Variants in NKAIN3 observed in about 807,000 individuals in gnomAD.
The protein encoded by NKAIN3 is sodium/potassium-transporting ATPase subunit beta-1-interacting protein 3.
Under a neutral mutation model 30.2 loss-of-function variants are expected in NKAIN3, and 25 were observed. The observed-to-expected ratio is 0.83, with a 90% confidence interval of 0.60 to 1.16. The LOEUF (loss-of-function observed/expected upper bound fraction) is 1.16. Among genes scored for constraint, NKAIN3 ranks in the 50% most tolerant of loss-of-function variants. The pLI, the probability that NKAIN3 is intolerant of heterozygous loss-of-function variation, is 0.00. For missense variants in NKAIN3, 225 were observed against 254.1 expected (o/e 0.89, Z 0.78); for synonymous variants, 91 against 89.6 (o/e 1.02, Z -0.09).
chr8:62,310,516 G>A (rs182981548), intron 1 of NKAIN3, among the ~76,000 whole-genome samples: 2 of 150,636 alleles, frequency 1.3e-5, no homozygotes, highest in Admixed American at 1.3e-4. Flanking sequence ...TAACGTAAAT[G>A]TTCCTACCCT....
At chr8:62,717,952 A>C (rs1731403711) in intron 3 of NKAIN3, among the ~76,000 whole-genome samples, 1 of 152,220 alleles carries the variant, frequency 6.6e-6, no homozygotes. Context: ...CAATTCACAA[A>C]AGAAAGAGGT....
intron 5 of NKAIN3, among the ~76,000 whole-genome samples, chr8:62,996,329 G>A (rs1318708215): frequency 1.3e-5 from 2 of 150,472 alleles, no homozygotes; most frequent in African/African-American, 4.8e-5. Flanking sequence ...CAGATCACAT[G>A]AGAGCTCCCT....
chr8:62,261,378 T>A (rs902988842), intron 1 of NKAIN3, among the ~76,000 whole-genome samples: 7 of 152,200 alleles, frequency 4.6e-5, no homozygotes, highest in African/African-American at 1.7e-4. Context: ...TGTGGCTAAA[T>A]GATTCAGAAC....
intron 1 of NKAIN3, among the ~76,000 whole-genome samples, chr8:62,428,601 G>A (rs1309354424): frequency 6.6e-6 from 1 of 151,938 alleles, no homozygotes; most frequent in Non-Finnish European, 1.5e-5. Flanking sequence ...GGTGACTAGT[G>A]ATGTTGAGCA....
At chr8:62,992,082 GACCTCAGC>G (rs1824332465) in intron 5 of NKAIN3, among the ~76,000 whole-genome samples, 1 of 151,296 alleles carries the variant, frequency 6.6e-6, no homozygotes, top group South Asian at 2.1e-4. Flanking sequence ...GCAGTGGCAC[GACCTCAGC>G]ACTCTGCAGC....
At chr8:62,407,291 A>G (rs1172530367) in intron 1 of NKAIN3, among the ~76,000 whole-genome samples, 2 of 151,592 alleles carry the variant, frequency 1.3e-5, no homozygotes, top group African/African-American at 4.8e-5. Flanking sequence ...ATGTGTGTAT[A>G]TATATATATA....
intron 4 of NKAIN3, among the ~76,000 whole-genome samples, chr8:62,898,827 C>A (rs1186980674): frequency 1.4e-5 from 1 of 70,328 alleles, no homozygotes. Flanking sequence ...TTGCAAATTA[C>A]CCCTCTGTCA....
intron 1 of NKAIN3, among the ~76,000 whole-genome samples, chr8:62,279,321 T>C (rs1481313539): frequency 6.6e-6 from 1 of 152,178 alleles, no homozygotes; most frequent in Non-Finnish European, 1.5e-5. Context: ...ATTCTGTAGG[T>C]TGCCTGTTCA....
intron 1 of NKAIN3, among the ~76,000 whole-genome samples, chr8:62,414,781 G>C (rs934137323): frequency 6.6e-6 from 1 of 151,858 alleles, no homozygotes; most frequent in African/African-American, 2.4e-5. Context: ...TAGAGGTAAT[G>C]AGAAAAATCA....
At chr8:62,674,299 T>C (rs1414006187) in intron 3 of NKAIN3, among the ~76,000 whole-genome samples, 1 of 152,182 alleles carries the variant, frequency 6.6e-6, no homozygotes, top group Non-Finnish European at 1.5e-5. Flanking sequence ...GTCTGCCAGG[T>C]GAACTTATGC....
intron 4 of NKAIN3, among the ~76,000 whole-genome samples, chr8:62,878,783 T>C (rs1315666664): frequency 2.0e-5 from 3 of 151,676 alleles, no homozygotes; most frequent in Non-Finnish European, 2.9e-5. Flanking sequence ...GTCCTTGTGA[T>C]AGTTTGCTGA....
intron 3 of NKAIN3, among the ~76,000 whole-genome samples, chr8:62,702,220 G>A (rs1814362008): frequency 6.6e-6 from 1 of 152,040 alleles, no homozygotes; most frequent in African/African-American, 2.4e-5. Flanking sequence ...ATGCTCATTC[G>A]AAGAATTTGA....
intron 1 of NKAIN3, among the ~76,000 whole-genome samples, chr8:62,289,093 G>C (rs1036100966): frequency 4.6e-5 from 7 of 152,048 alleles, no homozygotes; most frequent in Non-Finnish European, 8.8e-5. Flanking sequence ...GGGGTTGTTT[G>C]ATTTTTTCTT....
At chr8:62,465,124 T>C (rs961248440) in intron 1 of NKAIN3, among the ~76,000 whole-genome samples, 3 of 152,222 alleles carry the variant, frequency 2.0e-5, no homozygotes, top group African/African-American at 7.2e-5. Context: ...AACAGTTTTA[T>C]AGATTAAAGA....
rs75265255 is a variant in NKAIN3 at position 62,593,851 on chromosome 8, T to C, written c.273+4057T>C. On this transcript the variant is annotated intron_variant, in intron 3 of 6. Coordinates refer to ENST00000623646, the MANE Select transcript of NKAIN3 (RefSeq NM_001304533.3). The stretch of plus-strand genomic sequence containing the variant: ...AAAAACTTAGAACAAAAGGCAATAG[T>C]TAAAGTTTAGTCTTCACTTCCCCCA... Among the ~76,000 whole-genome samples the C allele has an allele frequency of 3.3e-4, 50 of 152,064 alleles. No individual in the cohort carries two copies. In the East Asian group the frequency reaches 9.3e-3, roughly 28 times the overall value.
intron 1 of NKAIN3, among the ~76,000 whole-genome samples, chr8:62,565,093 C>G (rs1809709003): frequency 6.6e-6 from 1 of 152,090 alleles, no homozygotes. Context: ...TCCCATTATA[C>G]ATACACATGA....
chr8:62,331,761 T>C (rs1008568826), intron 1 of NKAIN3, among the ~76,000 whole-genome samples: 8 of 152,166 alleles, frequency 5.3e-5, no homozygotes, highest in African/African-American at 1.9e-4. Context: ...AATTTATAGC[T>C]CCAGGACCAA....
At chr8:62,832,284 C>T (rs1193177338) in intron 4 of NKAIN3, among the ~76,000 whole-genome samples, 1 of 151,632 alleles carries the variant, frequency 6.6e-6, no homozygotes, top group South Asian at 2.1e-4. Context: ...CACACACACA[C>T]ACACACACAC....
intron 4 of NKAIN3, among the ~76,000 whole-genome samples, chr8:62,892,212 A>T (rs1040351975): frequency 3.9e-5 from 6 of 152,224 alleles, no homozygotes; most frequent in African/African-American, 7.2e-5. Context: ...CCAAATTAGA[A>T]AAAAATAATA....
Sources: allele counts gnomAD v4.1 joint callset (sites outside exome capture counted in the v4.1 genomes callset), GRCh38; gene constraint gnomAD v4.1.1; transcripts MANE v1.5; gene names NCBI Gene and HGNC (gene_info 2026-07-23, HGNC 2026-07-21).